The following DPP10 variants were observed in gnomAD, a reference collection of about 807,000 sequenced individuals.
The protein encoded by DPP10 is inactive dipeptidyl peptidase 10.
A neutral mutation model predicts 120.9 loss-of-function variants in DPP10; 33 were observed. The ratio of observed to expected loss-of-function variants is 0.27; its 90% CI spans 0.21 to 0.37. The LOEUF (loss-of-function observed/expected upper bound fraction) is 0.37. Ranked by LOEUF, DPP10 falls within the 10% of genes least tolerant of loss-of-function variation. DPP10 has a pLI of 1.00. For missense variants in DPP10, 816 were observed against 942.8 expected, an observed-to-expected ratio of 0.87 and a Z score of 1.76; for synonymous variants, 337 against 326.1, an observed-to-expected ratio of 1.03 and a Z score of -0.36.
intron 1 of DPP10, among the ~76,000 whole-genome samples, chr2:114,492,516 C>T (rs894732161): frequency 2.6e-5 from 4 of 152,094 alleles, no homozygotes; most frequent in African/African-American, 9.7e-5. Flanking sequence ...CATTATTTAA[C>T]TTTGAAAATG....
rs114386377 is a variant in DPP10 at position 114,710,773 on chromosome 2, T to C, written c.60+267935T>C. Among the ~76,000 whole-genome samples the C allele has an allele frequency of 7.6e-3, 1,158 of 152,154 alleles. 13 individuals carry two copies. The highest frequency in any genetic ancestry group is 0.026 in the African/African-American group (1,089 of 41,542). Reference sequence around the variant, plus strand: ...AAATAAAAAAAATTAAAAGCACAGATATGAAATGCAATTAAATTTTTCATG... The same window carrying C: ...AAATAAAAAAAATTAAAAGCACAGACATGAAATGCAATTAAATTTTTCATG... On this transcript the variant is annotated intron_variant, in intron 1 of 25. Transcript: ENST00000410059.
intron 3 of DPP10, among the ~76,000 whole-genome samples, chr2:115,380,092 A>G (rs1228650816): frequency 6.6e-6 from 1 of 152,058 alleles, no homozygotes; most frequent in African/African-American, 2.4e-5. Context: ...GTTGAGTTCA[A>G]TTCCTTGGTA....
intron 19 of DPP10, among the ~76,000 whole-genome samples, chr2:115,802,902 A>G (rs1685441177): frequency 6.6e-6 from 1 of 152,144 alleles, no homozygotes; most frequent in Admixed American, 6.6e-5. Flanking sequence ...AAGAATGTAT[A>G]TTCTGTTGAT....
intron 3 of DPP10, among the ~76,000 whole-genome samples, chr2:115,484,336 T>A (rs1242825824): frequency 6.6e-6 from 1 of 152,114 alleles, no homozygotes; most frequent in African/African-American, 2.4e-5. Context: ...ATCTGTGGTT[T>A]GTGTCACTTA....
At chr2:114,555,815 T>C (rs1688245382) in intron 1 of DPP10, among the ~76,000 whole-genome samples, 1 of 152,190 alleles carries the variant, frequency 6.6e-6, no homozygotes, top group Non-Finnish European at 1.5e-5. Flanking sequence ...TAAGTGTAGT[T>C]GTAACCCAAA....
At chr2:115,623,260 A>T (rs898975543) in intron 5 of DPP10, among the ~76,000 whole-genome samples, 36 of 152,154 alleles carry the variant, frequency 2.4e-4, no homozygotes, top group African/African-American at 8.2e-4. Context: ...CCTTTACAGA[A>T]AAAGTTCACC....
intron 5 of DPP10, among the ~76,000 whole-genome samples, chr2:115,609,696 GAATAGTAAGAA>G (rs942605352): frequency 2.6e-5 from 4 of 152,070 alleles, no homozygotes; most frequent in Non-Finnish European, 4.4e-5. Context: ...TCATTACAGA[GAATAGTAAGAA>G]AAAATTTCAG....
At chr2:115,705,010 T>C (rs2092043830) in intron 7 of DPP10, among the ~76,000 whole-genome samples, 1 of 151,990 alleles carries the variant, frequency 6.6e-6, no homozygotes, top group African/African-American at 2.4e-5. Context: ...GTTTAGGTAA[T>C]TCTTCAAATA....
At chr2:115,462,156 A>G (rs904673584) in intron 3 of DPP10, among the ~76,000 whole-genome samples, 5 of 152,152 alleles carry the variant, frequency 3.3e-5, no homozygotes, top group Non-Finnish European at 5.9e-5. Flanking sequence ...ACTTCTGTGA[A>G]TGATACCGTC....
chr2:115,540,767 C>T (rs1005320379), intron 5 of DPP10, among the ~76,000 whole-genome samples: 4 of 151,838 alleles, frequency 2.6e-5, no homozygotes, highest in African/African-American at 9.7e-5. Context: ...TAGCAATTTT[C>T]AATCCAAGGA....
chr2:115,723,704 T>C (rs969565301), intron 7 of DPP10, among the ~76,000 whole-genome samples: 5 of 152,086 alleles, frequency 3.3e-5, no homozygotes, highest in Non-Finnish European at 7.4e-5. Context: ...AATTGCCATT[T>C]TATATTCCCA....
chr2:115,394,523 G>A (rs2067543051), intron 3 of DPP10, among the ~76,000 whole-genome samples: 1 of 150,548 alleles, frequency 6.6e-6, no homozygotes, highest in East Asian at 2.0e-4. Flanking sequence ...AATGCTACCT[G>A]TCCCAAACAT....
At chr2:115,525,352 C>T (rs1160433470) in intron 4 of DPP10, among the ~76,000 whole-genome samples, 3 of 152,182 alleles carry the variant, frequency 2.0e-5, no homozygotes, top group South Asian at 4.1e-4. Context: ...TAGTCAAGTA[C>T]AGTGTAGTAG....
rs796075345 is a variant in DPP10, at chr2:115,751,797, T to TTG, written c.951-1376_951-1375insGT. Among the ~76,000 whole-genome samples the TTG allele has an allele frequency of 3.7e-3, 552 of 149,654 alleles. 4 individuals are homozygous for TTG. Among genetic ancestry groups the TTG allele is most frequent in the Non-Finnish European group, 5.5e-3 (369 of 67,340 alleles). ...CTGGGTTAATTAACTGTGTTTTTTTTTTGTTGTTTTTTTTTTTTTGAGACA... is the reference window on the plus strand; with the variant it reads ...CTGGGTTAATTAACTGTGTTTTTTTTTGTTGTTGTTTTTTTTTTTTTGAGACA... On this transcript the variant is annotated intron_variant, in intron 10 of 25. Coordinates refer to ENST00000410059, the MANE Select transcript of DPP10 (RefSeq NM_020868.6).
At chr2:115,609,561 A>G (rs1246296210) in intron 5 of DPP10, among the ~76,000 whole-genome samples, 1 of 152,090 alleles carries the variant, frequency 6.6e-6, no homozygotes, top group Non-Finnish European at 1.5e-5. Flanking sequence ...ATAAGTGTAA[A>G]TAAATAAATA....
chr2:115,801,645 G>A (rs1029105166), intron 19 of DPP10, among the ~76,000 whole-genome samples: 14 of 152,134 alleles, frequency 9.2e-5, no homozygotes, highest in Middle Eastern at 3.2e-3. Context: ...AGCATGAAGC[G>A]CTAGTGAATT....
At chr2:115,613,230 G>A (rs1444093527) in intron 5 of DPP10, among the ~76,000 whole-genome samples, 2 of 152,156 alleles carry the variant, frequency 1.3e-5, no homozygotes, top group South Asian at 2.1e-4. Context: ...GCATGGTATT[G>A]TGTGATTTGG....
chr2:115,296,158 C>G (rs1432720715), intron 1 of DPP10, among the ~76,000 whole-genome samples: 1 of 152,014 alleles, frequency 6.6e-6, no homozygotes, highest in Non-Finnish European at 1.5e-5. Context: ...AACTCCAGAT[C>G]AGACCCAGGT....
intron 5 of DPP10, among the ~76,000 whole-genome samples, chr2:115,634,999 TG>T (rs555337703): frequency 1.6e-4 from 24 of 152,214 alleles, no homozygotes; most frequent in Middle Eastern, 3.4e-3. Context: ...GGCCACACTC[TG>T]CCACAGCCAC....
Sources: allele counts gnomAD v4.1 joint callset (sites outside exome capture counted in the v4.1 genomes callset), GRCh38; gene constraint gnomAD v4.1.1; transcripts MANE v1.5; gene names NCBI Gene and HGNC (gene_info 2026-07-23, HGNC 2026-07-21).